Variants in OSBPL6 observed in about 807,000 individuals in gnomAD.
The protein encoded by OSBPL6 is oxysterol binding protein like 6.
A neutral mutation model predicts 125.8 loss-of-function variants in OSBPL6; 49 were observed. The observed-to-expected ratio is 0.39, with a 90% CI of 0.31 to 0.49. OSBPL6 has a LOEUF of 0.49. Ranked by LOEUF, OSBPL6 falls within the 20% of genes least tolerant of loss-of-function variation. OSBPL6 has a pLI of 0.88. For missense variants in OSBPL6, 986 were observed against 1,135.4 expected, an observed-to-expected ratio of 0.87 and a Z score of 1.89; for synonymous variants, 394 against 391.8, an observed-to-expected ratio of 1.01 and a Z score of -0.07.
intron 3 of OSBPL6, among the ~76,000 whole-genome samples, chr2:178,317,715 A>G (rs992055121): frequency 6.6e-6 from 1 of 151,752 alleles, no homozygotes; most frequent in Non-Finnish European, 1.5e-5. Flanking sequence ...CATAAATATT[A>G]AAAAGATGTA....
In OSBPL6 at chr2:178,287,780, T is replaced by G. The variant is rs543515553; in HGVS notation, c.-156+2659T>G. ...AGGAATTAAAGAGTATGTGTGCATGTACACTCAGAAATGCTTTCAGAAAAC... is the reference window on the plus strand; with the variant it reads ...AGGAATTAAAGAGTATGTGTGCATGGACACTCAGAAATGCTTTCAGAAAAC... On this transcript the variant is annotated intron_variant, in intron 2 of 24. Coordinates refer to ENST00000190611, the MANE Select transcript of OSBPL6 (RefSeq NM_032523.4). Among the ~76,000 whole-genome samples, 5 of 152,234 alleles carry G rather than the reference T, an allele frequency of 3.3e-5. No homozygotes were observed. In the East Asian group the frequency reaches 9.7e-4, roughly 29 times the overall value.
chr2:178,270,262 G>A (rs2092347782), intron 1 of OSBPL6, among the ~76,000 whole-genome samples: 1 of 152,204 alleles, frequency 6.6e-6, no homozygotes, highest in African/African-American at 2.4e-5. Context: ...GGAGAGAGAT[G>A]AACAGGGAGA....
chr2:178,308,486 C>T (rs556324952), intron 3 of OSBPL6, among the ~76,000 whole-genome samples: 1 of 152,224 alleles, frequency 6.6e-6, no homozygotes, highest in Non-Finnish European at 1.5e-5. Context: ...CCCCATTTCT[C>T]TCCTAAATTA....
chr2:178,335,180 CTCT>C (rs1321459351), intron 8 of OSBPL6, among the ~76,000 whole-genome samples: 1 of 151,926 alleles, frequency 6.6e-6, no homozygotes, highest in East Asian at 1.9e-4. Context: ...AATATTTTAT[CTCT>C]TATTTATTAA....
intron 1 of OSBPL6, among the ~76,000 whole-genome samples, chr2:178,246,655 T>A (rs1242295319): frequency 6.6e-6 from 1 of 152,184 alleles, no homozygotes; most frequent in Non-Finnish European, 1.5e-5. Context: ...TTCTCCAGTT[T>A]CCCAAAATAA....
At chr2:178,370,270 GAAC>G (rs916299784) in intron 13 of OSBPL6, among the ~76,000 whole-genome samples, 25 of 151,958 alleles carry the variant, frequency 1.6e-4, no homozygotes, top group Non-Finnish European at 2.8e-4. Flanking sequence ...GTCTCAAAAC[GAAC>G]AACAACAACA....
chr2:178,329,822 G>C (rs1347785096), intron 5 of OSBPL6, among the ~76,000 whole-genome samples: 1 of 152,202 alleles, frequency 6.6e-6, no homozygotes, highest in Admixed American at 6.5e-5. Context: ...TCTCAGGGCA[G>C]ATAAATTTAT....
At chr2:178,347,839 C>G (rs1452794215) in intron 11 of OSBPL6, among the ~76,000 whole-genome samples, 1 of 152,158 alleles carries the variant, frequency 6.6e-6, no homozygotes, top group East Asian at 1.9e-4. Flanking sequence ...TTTGATAACT[C>G]CAGATACCAA....
At chr2:178,312,772 C>T (rs1486307737) in intron 3 of OSBPL6, among the ~76,000 whole-genome samples, 13 of 151,812 alleles carry the variant, frequency 8.6e-5, no homozygotes, top group Middle Eastern at 6.8e-3. Flanking sequence ...TATTTTAAAA[C>T]GAAGGTTATT....
At chr2:178,231,839 CT>C (rs2090835894) in intron 1 of OSBPL6, among the ~76,000 whole-genome samples, 1 of 151,810 alleles carries the variant, frequency 6.6e-6, no homozygotes, top group Non-Finnish European at 1.5e-5. Flanking sequence ...ACAAACAAAC[CT>C]TTTTGTAGAG....
At chr2:178,274,884 C>T (rs2092439315) in intron 1 of OSBPL6, among the ~76,000 whole-genome samples, 1 of 152,002 alleles carries the variant, frequency 6.6e-6, no homozygotes, top group Non-Finnish European at 1.5e-5. Flanking sequence ...AAAAATTGTC[C>T]TCTAGGACCA....
At chr2:178,382,769 A>G in intron 16 of OSBPL6, 1 of 1,427,090 alleles carries the variant, frequency 7.0e-7, no homozygotes, top group Non-Finnish European at 9.2e-7. Flanking sequence ...AATGTATTTA[A>G]TTTTTTAAAA....
chr2:178,380,292 T>C lies in OSBPL6; in HGVS notation c.1534-2128T>C, dbSNP rs78524858. On this transcript the variant is annotated intron_variant, in intron 15 of 24. Coordinates refer to ENST00000190611, the MANE Select transcript of OSBPL6 (RefSeq NM_032523.4). ...GACCCTTCATCTCTAAAAAAAAATT[T>C]ATTTTTTAATTGGCAAGGCATGGGA... is the stretch of plus-strand genomic sequence containing the variant. 2.6e-5 allele frequency among the ~76,000 whole-genome samples: 4 copies of C among 151,500 alleles called. No homozygotes were observed. The East Asian group carries it at 7.7e-4, about 29-fold the overall frequency.
intron 3 of OSBPL6, among the ~76,000 whole-genome samples, chr2:178,309,085 A>G (rs1687030329): frequency 6.6e-6 from 1 of 151,880 alleles, no homozygotes; most frequent in East Asian, 1.9e-4. Context: ...CTTTATCTCT[A>G]CTTGCCTTTC....
rs755895579 is a variant in OSBPL6, at chr2:178,395,437, T to C, written c.2697-14T>C. The C allele has an allele frequency of 6.3e-7, 1 of 1,587,934 alleles. No homozygotes were observed. Among genetic ancestry groups the C allele is most frequent in the Non-Finnish European group, 8.6e-7 (1 of 1,156,904 alleles). On this transcript the variant is annotated splice_polypyrimidine_tract_variant and intron_variant, in intron 24 of 24. Coordinates refer to ENST00000190611, the MANE Select transcript of OSBPL6 (RefSeq NM_032523.4). ...TGTGATTCATGACTAATGTTGATGTTTATATTTTCACAGAAAAGTTATTGA... is the reference window on the plus strand; with the variant it reads ...TGTGATTCATGACTAATGTTGATGTCTATATTTTCACAGAAAAGTTATTGA...
intron 2 of OSBPL6, among the ~76,000 whole-genome samples, chr2:178,296,556 A>T (rs1282226707): frequency 2.6e-5 from 4 of 152,206 alleles, no homozygotes; most frequent in African/African-American, 9.6e-5. Context: ...TCTTAAAAAC[A>T]AAACAAAACA....
intron 11 of OSBPL6, among the ~76,000 whole-genome samples, chr2:178,347,215 C>T (rs1559275427): frequency 1.3e-5 from 2 of 152,158 alleles, no homozygotes; most frequent in Non-Finnish European, 2.9e-5. Flanking sequence ...TCTCATGACC[C>T]CATTCCTCAC....
At chr2:178,261,844 A>T (rs2092076049) in intron 1 of OSBPL6, among the ~76,000 whole-genome samples, 1 of 152,130 alleles carries the variant, frequency 6.6e-6, no homozygotes, top group Non-Finnish European at 1.5e-5. Flanking sequence ...TGGAAAAGGG[A>T]TTTTATCTCT....
intron 3 of OSBPL6, among the ~76,000 whole-genome samples, chr2:178,314,078 C>T (rs143382389): frequency 2.0e-5 from 3 of 152,316 alleles, no homozygotes; most frequent in Admixed American, 6.5e-5. Flanking sequence ...GAATGTGTCT[C>T]CTCCGACTGA....
Sources: gnomAD v4.1 joint callset for allele counts (sites outside exome capture counted in the v4.1 genomes callset) on GRCh38, gnomAD v4.1.1 for gene constraint, MANE v1.5 for transcripts, NCBI Gene and HGNC (gene_info 2026-07-23, HGNC 2026-07-21) for gene names.